Variants in ROBO2 observed in about 807,000 individuals in gnomAD.
ROBO2 encodes the protein roundabout homolog 2.
In ROBO2, 53 loss-of-function variants were observed where a neutral mutation model predicts 160.8. That is an observed-to-expected ratio of 0.33 (90% CI 0.26 to 0.41). The LOEUF (loss-of-function observed/expected upper bound fraction) is 0.41, where lower values mean the gene tolerates loss of function less well. Among genes scored for constraint, ROBO2 ranks in the 10% least tolerant of loss-of-function variants. The pLI, the probability that ROBO2 is intolerant of heterozygous loss-of-function variation, is 1.00. For missense variants in ROBO2, 1,577 were observed against 1,722.4 expected, an observed-to-expected ratio of 0.92 and a Z score of 1.49; for synonymous variants, 664 against 611.7, an observed-to-expected ratio of 1.09 and a Z score of -1.26.
intron 2 of ROBO2, among the ~76,000 whole-genome samples, chr3:76,832,913 C>T (rs978904553): frequency 2.6e-5 from 4 of 152,090 alleles, no homozygotes; most frequent in African/African-American, 9.7e-5. Context: ...AGAGAGAAAA[C>T]ATGATCAAAG....
rs188037677 is a variant in ROBO2, at chr3:77,027,092, A to G, written c.110-70922A>G. Among the ~76,000 whole-genome samples, 3 of 152,356 alleles carry G rather than the reference A, an allele frequency of 2.0e-5. No individual in the cohort carries two copies. In the East Asian group the frequency reaches 5.8e-4, roughly 29 times the overall value. Reference sequence around the variant, plus strand: ...CAGTGAAAAGTCATGTAGCTTGAGCATCAATTCTAATTTAAAAGCATTTCT... The same window carrying G: ...CAGTGAAAAGTCATGTAGCTTGAGCGTCAATTCTAATTTAAAAGCATTTCT... On this transcript the variant is annotated intron_variant, in intron 2 of 26. Transcript: ENST00000487694.
chr3:76,911,039 A>G (rs891297551), intron 2 of ROBO2, among the ~76,000 whole-genome samples: 3 of 152,202 alleles, frequency 2.0e-5, no homozygotes, highest in Admixed American at 6.5e-5. Flanking sequence ...GAAAGGTTCT[A>G]TAATCTACCA....
chr3:77,574,669 A>G (rs1303002702), exon 14 of ROBO2: 1 of 1,613,364 alleles, frequency 6.2e-7, no homozygotes, highest in Non-Finnish European at 8.5e-7. Flanking sequence ...AAGTACGGCC[A>G]TATTTTAATG....
chr3:77,230,391 C>CT (rs917713146), intron 2 of ROBO2, among the ~76,000 whole-genome samples: 10 of 152,048 alleles, frequency 6.6e-5, no homozygotes, highest in African/African-American at 2.2e-4. Context: ...GCTTACATAG[C>CT]TTTTTTTAAA....
chr3:77,611,392 T>C (rs2094639257), intron 21 of ROBO2, among the ~76,000 whole-genome samples: 1 of 152,084 alleles, frequency 6.6e-6, no homozygotes, highest in South Asian at 2.1e-4. Context: ...ATTGGAGTTC[T>C]GATGTTTGAG....
chr3:76,488,635 A>C (rs1219428438), intron 2 of ROBO2, among the ~76,000 whole-genome samples: 3 of 152,082 alleles, frequency 2.0e-5, no homozygotes, highest in Non-Finnish European at 4.4e-5. Flanking sequence ...CCCTTTAATT[A>C]TATCTCCCAA....
At chr3:76,690,585 T>C (rs1361901591) in intron 2 of ROBO2, among the ~76,000 whole-genome samples, 1 of 152,112 alleles carries the variant, frequency 6.6e-6, no homozygotes, top group Non-Finnish European at 1.5e-5. Context: ...TATCCAGTCT[T>C]AAGTATTTTG....
At chr3:76,494,131 G>T (rs1020174960) in intron 2 of ROBO2, among the ~76,000 whole-genome samples, 1 of 152,134 alleles carries the variant, frequency 6.6e-6, no homozygotes, top group Admixed American at 6.6e-5. Context: ...GGTGGAAACA[G>T]CCCAAGTATT....
rs886609334 is a variant in ROBO2, at chr3:76,891,647, C to T, written c.110-206367C>T. 5.3e-5 allele frequency among the ~76,000 whole-genome samples: 8 copies of T among 152,092 alleles called. No individual in the cohort carries two copies. The East Asian group carries it at 5.8e-4, about 11-fold the overall frequency. On this transcript the variant is annotated intron_variant, in intron 2 of 26. Transcript: ENST00000487694. ...AAAACAAGAACTGTAAGTAGACAAT[C>T]GAATCTAATGGTTTACGCTTCAGAA...
At chr3:77,162,561 A>G (rs567426503) in intron 2 of ROBO2, among the ~76,000 whole-genome samples, 3 of 152,272 alleles carry the variant, frequency 2.0e-5, no homozygotes, top group East Asian at 3.9e-4. Flanking sequence ...TGAGTTCTGG[A>G]AACTTACATA....
At chr3:75,987,435 G>A (rs188461661) in intron 2 of ROBO2, among the ~76,000 whole-genome samples, 1 of 152,042 alleles carries the variant, frequency 6.6e-6, no homozygotes, top group East Asian at 1.9e-4. Context: ...TTTTAACTAT[G>A]TGTGTGTGCG....
At chr3:76,201,049 T>A (rs1384841033) in intron 2 of ROBO2, among the ~76,000 whole-genome samples, 1 of 152,168 alleles carries the variant, frequency 6.6e-6, no homozygotes, top group Non-Finnish European at 1.5e-5. Context: ...AGGCATTACT[T>A]TTATGATCAG....
intron 2 of ROBO2, among the ~76,000 whole-genome samples, chr3:76,964,275 C>G (rs1197958095): frequency 6.6e-6 from 1 of 152,056 alleles, no homozygotes; most frequent in Non-Finnish European, 1.5e-5. Context: ...AATGTTGAGT[C>G]TAATTATTTG....
chr3:76,208,989 G>A (rs1345581835), intron 2 of ROBO2, among the ~76,000 whole-genome samples: 1 of 152,078 alleles, frequency 6.6e-6, no homozygotes, highest in East Asian at 1.9e-4. Context: ...TTTGTTCAAA[G>A]ACTTTTTATT....
intron 2 of ROBO2, among the ~76,000 whole-genome samples, chr3:76,741,106 C>G (rs918479677): frequency 9.9e-5 from 15 of 152,122 alleles, no homozygotes; most frequent in Non-Finnish European, 1.8e-4. Flanking sequence ...CATTTCTAAT[C>G]TCATTGCTTT....
intron 2 of ROBO2, among the ~76,000 whole-genome samples, chr3:77,431,613 C>T (rs887279572): frequency 6.6e-6 from 1 of 152,136 alleles, no homozygotes; most frequent in Admixed American, 6.5e-5. Flanking sequence ...GTCTTACTTT[C>T]GTCCTGTGTT....
chr3:77,535,074 T>A (rs2092004487), intron 6 of ROBO2, among the ~76,000 whole-genome samples: 1 of 152,214 alleles, frequency 6.6e-6, no homozygotes, highest in Non-Finnish European at 1.5e-5. Flanking sequence ...ACTAATGAGC[T>A]AGGATGGTGA....
intron 2 of ROBO2, among the ~76,000 whole-genome samples, chr3:76,985,775 G>A (rs371935382): frequency 6.6e-6 from 1 of 152,092 alleles, no homozygotes; most frequent in East Asian, 1.9e-4. Flanking sequence ...TGAAGGAACA[G>A]AGTGGACCTC....
At chr3:76,322,164 G>GTATATATATATATATATA (rs200388202) in intron 2 of ROBO2, among the ~76,000 whole-genome samples, 12 of 108,142 alleles carry the variant, frequency 1.1e-4, no homozygotes, top group Admixed American at 1.9e-4. Context: ...TACTTCTTCC[G>GTATATATATATATATATA]TATATATATA....
Sources: allele counts gnomAD v4.1 joint callset (sites outside exome capture counted in the v4.1 genomes callset), GRCh38; gene constraint gnomAD v4.1.1; transcripts MANE v1.5; gene names NCBI Gene and HGNC (gene_info 2026-07-23, HGNC 2026-07-21).